Variants in LRRFIP1 observed in about 807,000 individuals in gnomAD.
LRRFIP1 encodes the protein leucine-rich repeat flightless-interacting protein 1.
A neutral mutation model predicts 104.4 loss-of-function variants in LRRFIP1; 62 were observed. The observed-to-expected ratio is 0.59, with a 90% CI of 0.48 to 0.73. The LOEUF (loss-of-function observed/expected upper bound fraction) is 0.73. LRRFIP1 is among the 30% of genes least tolerant of loss of function. The pLI is 0.00. For synonymous variants in LRRFIP1, 300 were observed against 299.0 expected, an observed-to-expected ratio of 1.00 and a Z score of -0.03; for missense variants, 796 against 824.5, an observed-to-expected ratio of 0.97 and a Z score of 0.42.
Position 237,691,733 on chromosome 2 carries a change from G to T in LRRFIP1, c.97-16811G>T, listed in dbSNP as rs1216189578. ...CTCTTCGGGTCGACCCCTACTGGGC[G>T]CGGCATCCTCCCCGGAGCGCCCGCT... On this transcript the variant is annotated intron_variant, in intron 1 of 23. Transcript: ENST00000308482. This position sits in a 1 kb window ranked among gnomAD's most constrained non-coding sequence, Gnocchi z 5.4. 2.0e-5 allele frequency among the ~76,000 whole-genome samples: 3 copies of T among 152,148 alleles called. No homozygotes were observed. Among genetic ancestry groups the T allele is most frequent in the Admixed American group, 6.5e-5 (1 of 15,296 alleles).
chr2:237,769,724 T>A (rs955827070), intron 19 of LRRFIP1: 6 of 535,518 alleles, frequency 1.1e-5, no homozygotes, highest in Non-Finnish European at 2.0e-5. Flanking sequence ...AGCCGGATGC[T>A]GCCCCTGACG....
At chr2:237,736,241 G>A (rs1321417188) in intron 10 of LRRFIP1, among the ~76,000 whole-genome samples, 1 of 152,134 alleles carries the variant, frequency 6.6e-6, no homozygotes, top group Non-Finnish European at 1.5e-5. Context: ...TCCAGTAGTT[G>A]ACATAGCATT....
At chr2:237,651,389 TA>T (rs777923594) in intron 1 of LRRFIP1, among the ~76,000 whole-genome samples, 25 of 152,362 alleles carry the variant, frequency 1.6e-4, no homozygotes, top group Non-Finnish European at 3.4e-4. Flanking sequence ...ATCTAATATC[TA>T]AAACATAATA....
At chr2:237,708,321 GA>G (rs1386088035) in intron 1 of LRRFIP1, among the ~76,000 whole-genome samples, 1 of 152,230 alleles carries the variant, frequency 6.6e-6, no homozygotes, top group African/African-American at 2.4e-5. Flanking sequence ...AAAGCTCTTA[GA>G]ATATTCCTGC....
intron 1 of LRRFIP1, among the ~76,000 whole-genome samples, chr2:237,708,327 T>A (rs1368543217): frequency 6.6e-6 from 1 of 152,254 alleles, no homozygotes; most frequent in African/African-American, 2.4e-5. Flanking sequence ...CTTAGAATAT[T>A]CCTGCCTAGC....
At chr2:237,663,460 G>C (rs1169223547) in intron 1 of LRRFIP1, among the ~76,000 whole-genome samples, 2 of 152,216 alleles carry the variant, frequency 1.3e-5, no homozygotes, top group Non-Finnish European at 2.9e-5. Flanking sequence ...AGGACACAAT[G>C]GGAAGGGGGC....
chr2:237,636,574 T>G (rs2083158954), intron 1 of LRRFIP1, among the ~76,000 whole-genome samples: 1 of 152,138 alleles, frequency 6.6e-6, no homozygotes. Context: ...TTCCTGAAAA[T>G]TTTTTTGTTC....
intron 9 of LRRFIP1, among the ~76,000 whole-genome samples, chr2:237,734,910 C>G (rs917910084): frequency 2.0e-5 from 3 of 152,186 alleles, no homozygotes; most frequent in Non-Finnish European, 4.4e-5. Flanking sequence ...TTCTAAGCAT[C>G]AAGTATGAGA....
At chr2:237,761,356 CT>C (rs2059848226) in intron 19 of LRRFIP1, among the ~76,000 whole-genome samples, 1 of 152,234 alleles carries the variant, frequency 6.6e-6, no homozygotes, top group Non-Finnish European at 1.5e-5. Flanking sequence ...AAGATTCCGT[CT>C]CTAGATAGGT....
intron 1 of LRRFIP1, among the ~76,000 whole-genome samples, chr2:237,671,345 A>G (rs2090307528): frequency 6.6e-6 from 1 of 152,228 alleles, no homozygotes; most frequent in African/African-American, 2.4e-5. Flanking sequence ...AAGAAAACAA[A>G]TCGGAGCACA....
chr2:237,762,129 T>C (rs905673094), intron 19 of LRRFIP1, among the ~76,000 whole-genome samples: 1 of 152,210 alleles, frequency 6.6e-6, no homozygotes, highest in African/African-American at 2.4e-5. Context: ...GTGCACTGAA[T>C]ATTCTTTTTA....
At chr2:237,635,825 G>A (rs530398835) in intron 1 of LRRFIP1, among the ~76,000 whole-genome samples, 1 of 152,110 alleles carries the variant, frequency 6.6e-6, no homozygotes, top group Non-Finnish European at 1.5e-5. Context: ...GTGAGTGGGT[G>A]TGGTGGCTCA....
At chr2:237,641,299 G>A (rs566185182) in intron 1 of LRRFIP1, among the ~76,000 whole-genome samples, 2 of 151,768 alleles carry the variant, frequency 1.3e-5, no homozygotes, top group South Asian at 4.2e-4. Flanking sequence ...GTCACCTGAG[G>A]TTAGGAGTTC....
intron 8 of LRRFIP1, among the ~76,000 whole-genome samples, chr2:237,731,965 G>A (rs996001499): frequency 6.6e-5 from 10 of 152,274 alleles, no homozygotes; most frequent in African/African-American, 1.9e-4. Flanking sequence ...AGTACGTGGT[G>A]CGTTTAATTT....
At position 237,628,871 on chromosome 2, in the gene LRRFIP1, A is replaced by G. The variant is rs546131909; in HGVS notation, c.96+1131A>G. On this transcript the variant is annotated intron_variant, in intron 1 of 23. Transcript: ENST00000308482. ...GGCAGTCACTCAGTATTTGTTGACT[A>G]CTGAGTGAATAAAGACTTCTGTTTT... Among the ~76,000 whole-genome samples, 3 of 152,296 alleles carry G rather than the reference A, an allele frequency of 2.0e-5. No individual in the cohort carries two copies. The East Asian group carries it at 5.8e-4, about 29-fold the overall frequency.
At chr2:237,647,223 A>G (rs1401762386) in intron 1 of LRRFIP1, among the ~76,000 whole-genome samples, 1 of 151,958 alleles carries the variant, frequency 6.6e-6, no homozygotes, top group African/African-American at 2.4e-5. Context: ...TACAGTGACC[A>G]CAGCTTCTCT....
chr2:237,712,221 A>G (rs78997845), intron 2 of LRRFIP1, among the ~76,000 whole-genome samples: 1,615 of 152,318 alleles, frequency 0.011, 24 homozygotes, highest in African/African-American at 0.036. Flanking sequence ...AGCCAAGCCA[A>G]GATTCAAATC....
intron 1 of LRRFIP1, among the ~76,000 whole-genome samples, chr2:237,662,715 A>C (rs181181199): frequency 1.3e-5 from 2 of 152,210 alleles, no homozygotes; most frequent in Admixed American, 1.3e-4. Flanking sequence ...GTTGGTTAAC[A>C]TTAAAAACTG....
At chr2:237,778,027 TA>T (rs1003849167) in intron 23 of LRRFIP1, among the ~76,000 whole-genome samples, 16 of 152,344 alleles carry the variant, frequency 1.1e-4, no homozygotes, top group Admixed American at 9.8e-4. Context: ...TCTTATTCTT[TA>T]AATATTTCAT....
Sources: gnomAD v4.1 joint callset for allele counts (sites outside exome capture counted in the v4.1 genomes callset) on GRCh38, gnomAD v4.1.1 for gene constraint, Gnocchi (gnomAD v3.1) non-coding constraint, MANE v1.5 for transcripts, NCBI Gene and HGNC (gene_info 2026-07-23, HGNC 2026-07-21) for gene names.